The following EPAS1 variants were observed in gnomAD, a reference collection of about 807,000 sequenced individuals.
The protein encoded by EPAS1 is endothelial PAS domain protein 1.
A neutral mutation model predicts 87.9 loss-of-function variants in EPAS1; 23 were observed. The observed-to-expected ratio is 0.26, with a 90% CI of 0.19 to 0.37. The LOEUF (loss-of-function observed/expected upper bound fraction) is 0.37. Among genes scored for constraint, EPAS1 ranks in the 10% least tolerant of loss-of-function variants. EPAS1 has a pLI of 1.00. For synonymous variants in EPAS1, 508 were observed against 444.3 expected (o/e 1.14, Z -1.80); for missense variants, 1,138 against 1,120.7 (o/e 1.02, Z -0.22).
chr2:46,375,780 T>C lies in EPAS1; in HGVS notation c.977T>C (p.Ile326Thr), dbSNP rs1558608834. ...TGGCTGGAGACCCAGGGGACGGTCATCTACAACCCTCGCAACCTGCAGCCC... is the reference window on the plus strand; with the variant it reads ...TGGCTGGAGACCCAGGGGACGGTCACCTACAACCCTCGCAACCTGCAGCCC... Reference protein sequence around the residue: ...YVWLETQGTVIYNPRNLQPQC... With the variant: ...YVWLETQGTVTYNPRNLQPQC... The change falls in exon 8 of 16, where the codon ATC (isoleucine) becomes ACC (threonine). Residue 326 changes from isoleucine to threonine, a missense_variant. Physicochemically the swap from Ile to Thr is moderately conservative, Grantham distance 89. This residue lies in a region of EPAS1 where 284 missense variants were observed against 258.4 expected (regional missense o/e 1.10). Coordinates refer to ENST00000263734, the MANE Select transcript of EPAS1 (RefSeq NM_001430.5). The surrounding 1 kb of genome is among the most constrained non-coding windows in gnomAD (Gnocchi z 4.1). 2 of 1,614,214 alleles carry C rather than the reference T, an allele frequency of 1.2e-6. No homozygotes were observed. Among genetic ancestry groups the C allele is most frequent in the Non-Finnish European group, 1.7e-6 (2 of 1,180,044 alleles).
At position 46,346,875 on chromosome 2, in the gene EPAS1, G is replaced by A; in HGVS notation, c.29G>A (p.Ser10Asn). Residue 10 changes from serine (S) to asparagine (N), a missense_variant and splice_region_variant, in exon 2 of 16, where the codon AGT becomes AAT. Transcript: ENST00000263734. The surrounding 1 kb of genome is among the most constrained non-coding windows in gnomAD (Gnocchi z 4.0). The part of the protein sequence containing the change: MTADKEKKR[S>N]SSERRKEKSR... ...CTAACCCCTTCTTCTCCACTTAGGAGTAGCTCGGAGAGGAGGAAGGAGAAG... is the reference window on the plus strand; with the variant it reads ...CTAACCCCTTCTTCTCCACTTAGGAATAGCTCGGAGAGGAGGAAGGAGAAG... 4 of 1,614,210 alleles carry A rather than the reference G, an allele frequency of 2.5e-6. No individual in the cohort carries two copies. The highest frequency in any genetic ancestry group is 2.5e-6 in the Non-Finnish European group (3 of 1,180,026).
intron 1 of EPAS1, among the ~76,000 whole-genome samples, chr2:46,328,849 C>T (rs1175740440): frequency 6.6e-6 from 1 of 152,224 alleles, no homozygotes; most frequent in African/African-American, 2.4e-5. Context: ...GCCTTCCAGG[C>T]CAGTCTTCTA....
rs1038841791 is a variant in EPAS1, at chr2:46,371,863, T to C, written c.886+1930T>C. ...CCAAGGCAAGAGACAAATGTAAAAA[T>C]TTCTGGGAATTCTTGGAGGACAGTA... On this transcript the variant is annotated intron_variant, in intron 7 of 15. Transcript: ENST00000263734. This position sits in a 1 kb window ranked among gnomAD's most constrained non-coding sequence, Gnocchi z 4.3. Among the ~76,000 whole-genome samples, 1 of 152,132 alleles carries C rather than the reference T, an allele frequency of 6.6e-6. No homozygotes were observed. The highest frequency in any genetic ancestry group is 1.5e-5 in the Non-Finnish European group (1 of 68,044).
intron 1 of EPAS1, among the ~76,000 whole-genome samples, chr2:46,306,803 T>C (rs1683115486): frequency 6.6e-6 from 1 of 152,272 alleles, no homozygotes; most frequent in South Asian, 2.1e-4. Context: ...ATATATCAAA[T>C]ATATGGGGAA....
chr2:46,381,650 A>T lies in EPAS1; in HGVS notation c.2100A>T (p.Val700=), dbSNP rs367599424. The change falls in exon 13 of 16, where the codon GTA becomes GTT. Residue 700 remains valine (V), a synonymous_variant. Transcript: ENST00000263734. ...CAGACGTGCTGAGTCCGGCCATGGT[A>T]GCCCTCTCCAACAAGCTGAAGCTGA... ...RGPDVLSPAM[V]ALSNKLKLKR... 1.2e-6 allele frequency: 2 copies of T among 1,614,032 alleles called. No homozygotes were observed. Among genetic ancestry groups the T allele is most frequent in the Non-Finnish European group, 1.7e-6 (2 of 1,180,020 alleles).
chr2:46,302,917 CA>C (rs1427648880), intron 1 of EPAS1, among the ~76,000 whole-genome samples: 5 of 151,792 alleles, frequency 3.3e-5, no homozygotes, highest in Non-Finnish European at 5.9e-5. Flanking sequence ...ACTAAAAATA[CA>C]AAAAATTAGC....
rs147210996 is a variant in EPAS1, at chr2:46,308,045, A to G, written c.26+10108A>G. Among the ~76,000 whole-genome samples the G allele has an allele frequency of 5.4e-3, 819 of 152,226 alleles. 3 individuals are homozygous for G. Among genetic ancestry groups the G allele is most frequent in the Non-Finnish European group, 8.6e-3 (582 of 68,004 alleles). On this transcript the variant is annotated intron_variant, in intron 1 of 15. Transcript: ENST00000263734. ...CTGCAAGGGACCCCACCTCACCTCT[A>G]TCGCCCATTCACCATCATTCACTGT...
chr2:46,379,897 C>A (rs1437669806), intron 11 of EPAS1: 2 of 435,322 alleles, frequency 4.6e-6, no homozygotes, highest in Non-Finnish European at 8.6e-6. Context: ...CTGGAGTAGG[C>A]AGGGCTGACT....
intron 6 of EPAS1, among the ~76,000 whole-genome samples, chr2:46,366,940 G>T (rs546183533): frequency 6.6e-6 from 1 of 152,358 alleles, no homozygotes; most frequent in South Asian, 2.1e-4. Context: ...TTTAAGTTGG[G>T]GTTTCCTGGC....
intron 1 of EPAS1, among the ~76,000 whole-genome samples, chr2:46,309,952 T>C (rs149323074): frequency 1.3e-5 from 2 of 152,212 alleles, no homozygotes; most frequent in African/African-American, 4.8e-5. Flanking sequence ...GAGCATCAAG[T>C]GGGTGGTTGG....
intron 7 of EPAS1, among the ~76,000 whole-genome samples, chr2:46,373,751 G>A (rs1417687968): frequency 6.6e-6 from 1 of 152,186 alleles, no homozygotes; most frequent in Non-Finnish European, 1.5e-5. Context: ...AAATGGGTGT[G>A]TGTTTTATTG....
intron 6 of EPAS1, 64 bp from the exon 7 acceptor site, chr2:46,369,763 C>A: frequency 1.6e-6 from 2 of 1,222,682 alleles, no homozygotes; most frequent in Non-Finnish European, 2.4e-6. Context: ...TTAGCTCCTG[C>A]CCACATGCTG....
Position 46,342,199 on chromosome 2 carries a change from C to T in EPAS1, c.27-4674C>T, listed in dbSNP as rs147911675. Among the ~76,000 whole-genome samples the T allele has an allele frequency of 2.2e-3, 331 of 152,272 alleles. 1 individual carries two copies. The highest frequency in any genetic ancestry group is 7.6e-3 in the African/African-American group (315 of 41,540). ...AGTGAGCAGCAAAACTGAGAACCAC[C>T]GACTTTGGTTCTGCCCCAGTTAAGT... On this transcript the variant is annotated intron_variant, in intron 1 of 15. Coordinates refer to ENST00000263734, the MANE Select transcript of EPAS1 (RefSeq NM_001430.5).
At chr2:46,318,211 C>A (rs1558585463) in intron 1 of EPAS1, among the ~76,000 whole-genome samples, 1 of 152,048 alleles carries the variant, frequency 6.6e-6, no homozygotes, top group Non-Finnish European at 1.5e-5. Context: ...CACACACACG[C>A]ACACAGAGGA....
intron 6 of EPAS1, among the ~76,000 whole-genome samples, chr2:46,363,169 C>G (rs1438101888): frequency 6.6e-6 from 1 of 152,184 alleles, no homozygotes; most frequent in East Asian, 1.9e-4. Flanking sequence ...CCTCAGTAGT[C>G]TTGTGAGATA....
chr2:46,319,948 G>A (rs533256379), intron 1 of EPAS1, among the ~76,000 whole-genome samples: 24 of 152,254 alleles, frequency 1.6e-4, no homozygotes, highest in Admixed American at 7.8e-4. Flanking sequence ...AGGCATCTTC[G>A]AACAGAAAAA....
At chr2:46,329,227 T>C (rs1683623370) in intron 1 of EPAS1, among the ~76,000 whole-genome samples, 1 of 152,200 alleles carries the variant, frequency 6.6e-6, no homozygotes, top group South Asian at 2.1e-4. Context: ...TTACTGACTC[T>C]GGTTCAGGGA....
intron 2 of EPAS1, among the ~76,000 whole-genome samples, chr2:46,348,787 C>G (rs2103618132): frequency 6.6e-6 from 1 of 152,280 alleles, no homozygotes; most frequent in East Asian, 1.9e-4. Flanking sequence ...GCATCCCTAA[C>G]CCAAAAATCT....
intron 8 of EPAS1, among the ~76,000 whole-genome samples, 166 bp from the exon 9 acceptor site, chr2:46,376,373 C>T (rs1024266249): frequency 6.6e-6 from 1 of 152,206 alleles, no homozygotes; most frequent in African/African-American, 2.4e-5. Context: ...TCACTACCTC[C>T]ATGGCTCACA....
Sources: gnomAD v4.1 joint callset for allele counts (sites outside exome capture counted in the v4.1 genomes callset) on GRCh38, gnomAD v4.1.1 for gene constraint, gnomAD v4.1.1 regional missense constraint, Gnocchi (gnomAD v3.1) non-coding constraint, MANE v1.5 for transcripts, NCBI Gene and HGNC (gene_info 2026-07-23, HGNC 2026-07-21) for gene names.